DCAF17: variants seen among roughly 807,000 people sequenced by gnomAD.
DCAF17 encodes the protein DDB1- and CUL4-associated factor 17.
Under a neutral mutation model 66.0 loss-of-function variants are expected in DCAF17, and 48 were observed. The ratio of observed to expected loss-of-function variants is 0.73; its 90% confidence interval spans 0.58 to 0.92. DCAF17 has a LOEUF of 0.92. Among genes scored for constraint, DCAF17 ranks in the 40% least tolerant of loss-of-function variants. The pLI is 0.00. For missense variants in DCAF17, 562 were observed against 622.8 expected, an observed-to-expected ratio of 0.90 and a Z score of 1.04; for synonymous variants, 206 against 214.6, an observed-to-expected ratio of 0.96 and a Z score of 0.35.
Position 171,448,780 on chromosome 2 carries a change from C to G in DCAF17, c.421C>G (p.Leu141Val). 1 of 1,613,050 alleles carries G rather than the reference C, an allele frequency of 6.2e-7. No homozygotes were observed. The highest frequency in any genetic ancestry group is 8.5e-7 in the Non-Finnish European group (1 of 1,179,366). ...TATATCAGCAACTACGGGAAAAATCCTTGAGAAAATATATCTTGCACCTTA... is the reference window on the plus strand; with the variant it reads ...TATATCAGCAACTACGGGAAAAATCGTTGAGAAAATATATCTTGCACCTTA... ...LRISATTGKILEKIYLAPYCK... is the reference protein window; with the variant it reads ...LRISATTGKIVEKIYLAPYCK... Residue 141 changes from leucine (L) to valine (V), a missense_variant, in exon 4 of 14, where the codon CTT becomes GTT. Physicochemically the swap from Leu to Val is conservative, Grantham distance 32. This residue lies in a region of DCAF17 where 348 missense variants were observed against 355.9 expected (regional missense o/e 0.98). Transcript: ENST00000375255.
intron 1 of DCAF17, 178 bp from the exon 2 acceptor site, chr2:171,434,905 T>G: frequency 8.8e-6 from 9 of 1,025,376 alleles, no homozygotes; most frequent in Non-Finnish European, 1.2e-5. Context: ...ATGTCTTACC[T>G]GGAAACAATT....
Position 171,463,274 on chromosome 2 carries a change from A to G in DCAF17, c.838+4797A>G, listed in dbSNP as rs375509459. ...AGAATTCTTTTTGCACTGGTATAGG[A>G]TAATTTCCAGGATGTGTACTATTAA... On this transcript the variant is annotated intron_variant, in intron 8 of 13. Coordinates refer to ENST00000375255, the MANE Select transcript of DCAF17 (RefSeq NM_025000.4). Among the ~76,000 whole-genome samples, 28 of 151,586 alleles carry G rather than the reference A, an allele frequency of 1.8e-4. No homozygotes were observed. The South Asian group carries it at 5.4e-3, about 29-fold the overall frequency.
At chr2:171,440,055 G>A (rs1694216952) in intron 2 of DCAF17, among the ~76,000 whole-genome samples, 1 of 152,154 alleles carries the variant, frequency 6.6e-6, no homozygotes, top group Non-Finnish European at 1.5e-5. Context: ...CCAAACTCCT[G>A]CACTCCAGTG....
intron 2 of DCAF17, among the ~76,000 whole-genome samples, chr2:171,441,499 G>A (rs1372493875): frequency 1.3e-5 from 2 of 152,178 alleles, no homozygotes; most frequent in African/African-American, 4.8e-5. Context: ...GGGGCTGGGT[G>A]GAAGAAGGGA....
At chr2:171,463,234 A>AAAC (rs1695697510) in intron 8 of DCAF17, among the ~76,000 whole-genome samples, 1 of 151,942 alleles carries the variant, frequency 6.6e-6, no homozygotes, top group African/African-American at 2.4e-5. Context: ...TAAAAAAAAA[A>AAAC]AAAAAACAGA....
At chr2:171,480,842 C>T (rs1000731829) in intron 13 of DCAF17, 132 bp from the exon 14 acceptor site, 1 of 1,127,538 alleles carries the variant, frequency 8.9e-7, no homozygotes, top group Non-Finnish European at 1.3e-6. Flanking sequence ...GAAAAATAAA[C>T]CTCTTTCTAG....
At chr2:171,463,537 T>G (rs1231066686) in intron 8 of DCAF17, among the ~76,000 whole-genome samples, 1 of 152,184 alleles carries the variant, frequency 6.6e-6, no homozygotes, top group Non-Finnish European at 1.5e-5. Context: ...ATGTAGTGCT[T>G]GTATTACCTA....
intron 5 of DCAF17, 132 bp downstream of exon 5, chr2:171,450,089 G>A: frequency 1.4e-6 from 1 of 735,900 alleles, no homozygotes; most frequent in South Asian, 1.6e-5. Flanking sequence ...ACGGCAACCT[G>A]GATGGGATCG....
chr2:171,454,834 T>A (rs1167133932), intron 6 of DCAF17, among the ~76,000 whole-genome samples: 2 of 151,928 alleles, frequency 1.3e-5, no homozygotes, highest in Non-Finnish European at 2.9e-5. Context: ...GAGGTAGATA[T>A]TGCAGTGAGC....
chr2:171,480,341 A>G, intron 13 of DCAF17, 148 bp downstream of exon 13: 1 of 985,884 alleles, frequency 1.0e-6, no homozygotes. Context: ...ACAGGACAAA[A>G]GAGTACTTCT....
intron 8 of DCAF17, among the ~76,000 whole-genome samples, chr2:171,459,125 C>T (rs903026270): frequency 6.6e-6 from 1 of 151,878 alleles, no homozygotes; most frequent in African/African-American, 2.4e-5. Context: ...GCCTGACCAA[C>T]GTGGAGAAAC....
At chr2:171,464,556 T>A (rs548320769) in intron 8 of DCAF17, among the ~76,000 whole-genome samples, 245 of 152,306 alleles carry the variant, frequency 1.6e-3, no homozygotes, top group Non-Finnish European at 1.9e-3. Flanking sequence ...ATTATATCTG[T>A]AAAGATCCTA....
rs778920494 is a variant in DCAF17, at chr2:171,434,309, C to T, written c.-269C>T. On this transcript the variant is annotated 5_prime_UTR_variant, in exon 1 of 14. Transcript: ENST00000375255. The stretch of plus-strand genomic sequence containing the variant: ...TCCGGCCGGCCGCGCGGTACCGGAG[C>T]GTCGCACTGTCAGCGGCCAGAGAGC... 3 of 626,172 alleles carry T rather than the reference C, an allele frequency of 4.8e-6. No individual in the cohort carries two copies. The highest frequency in any genetic ancestry group is 4.5e-5 in the South Asian group (3 of 66,136). 38.8% of individuals were successfully genotyped at this position (626,172 alleles called of 1,614,324 possible). A position where few individuals can be genotyped will look rare whatever the true frequency, so the allele number is the denominator to read the frequency against.
Position 171,449,914 on chromosome 2 carries a change from C to A in DCAF17, c.494C>A (p.Ala165Glu). Residue 165 changes from alanine to glutamate, a missense_variant, in exon 5 of 14, where the codon GCA becomes GAA. Ala to Glu is a moderately radical substitution (Grantham distance 107, BLOSUM62 -1). Coordinates refer to ENST00000375255, the MANE Select transcript of DCAF17 (RefSeq NM_025000.4). ...LSWDTPQEVI[A>E]VKSAQNRGSA... ...TGGGACACTCCTCAAGAAGTCATTGCAGTTAAGTCAGCTCAGAACAGAGGC... is the reference window on the plus strand; with the variant it reads ...TGGGACACTCCTCAAGAAGTCATTGAAGTTAAGTCAGCTCAGAACAGAGGC... The A allele has an allele frequency of 6.2e-7, 1 of 1,613,696 alleles. No individual in the cohort carries two copies. Among genetic ancestry groups the A allele is most frequent in the East Asian group, 2.2e-5 (1 of 44,868 alleles).
rs1277631227 is a variant in DCAF17, at chr2:171,484,620, A to G, written c.*3506A>G. On this transcript the variant is annotated 3_prime_UTR_variant, in exon 14 of 14. Coordinates refer to ENST00000375255, the MANE Select transcript of DCAF17 (RefSeq NM_025000.4). ...TTAAGATTTACCTGCAATAAAATGT[A>G]CAAATCTTAAGTATAAATTTACTGA... 1 of 452,988 alleles carries G rather than the reference A, an allele frequency of 2.2e-6. No individual in the cohort carries two copies. Among genetic ancestry groups the G allele is most frequent in the Non-Finnish European group, 4.4e-6 (1 of 226,484 alleles). 28.1% of individuals were successfully genotyped at this position (452,988 alleles called of 1,614,324 possible).
intron 2 of DCAF17, among the ~76,000 whole-genome samples, chr2:171,439,634 A>T (rs2105727429): frequency 6.6e-6 from 1 of 151,534 alleles, no homozygotes; most frequent in Non-Finnish European, 1.5e-5. Flanking sequence ...TTAGTTTAGA[A>T]ATGAGGTCTT....
At position 171,473,616 on chromosome 2, in the gene DCAF17, G is replaced by A. The variant is rs559294724; in HGVS notation, c.982-250G>A. 9.0e-5 allele frequency among the ~76,000 whole-genome samples: 13 copies of A among 144,708 alleles called. No homozygotes were observed. The South Asian group carries it at 2.5e-3, about 28-fold the overall frequency. The allele number at this position is 144,708 out of a possible 152,430, so 94.9% of individuals were successfully genotyped here. A position where few individuals can be genotyped will look rare whatever the true frequency, so the allele number is the denominator to read the frequency against. On this transcript the variant is annotated intron_variant, in intron 9 of 13. Coordinates refer to ENST00000375255, the MANE Select transcript of DCAF17 (RefSeq NM_025000.4). ...AGATGCTTGAGATATGGTATCTCTT[G>A]GGTTATTAACTCCTGTTTGTGAGAT...
chr2:171,434,514 A>G lies in DCAF17; in HGVS notation c.-64A>G, dbSNP rs923839232. ...AATTCGAAGGCAGCGGCGGCTGCCC[A>G]GCACGGGAGTGTGGGGCGCGCCACT... On this transcript the variant is annotated 5_prime_UTR_variant, in exon 1 of 14. Coordinates refer to ENST00000375255, the MANE Select transcript of DCAF17 (RefSeq NM_025000.4). 3.5e-5 allele frequency: 54 copies of G among 1,522,974 alleles called. No homozygotes were observed. The African/African-American group carries it at 7.3e-4, about 21-fold the overall frequency. 94.3% of individuals were successfully genotyped at this position (1,522,974 alleles called of 1,614,324 possible). A position where few individuals can be genotyped will look rare whatever the true frequency, so the allele number is the denominator to read the frequency against.
chr2:171,439,381 G>A (rs1694159546), intron 2 of DCAF17, among the ~76,000 whole-genome samples: 1 of 151,700 alleles, frequency 6.6e-6, no homozygotes, highest in African/African-American at 2.4e-5. Flanking sequence ...CCCAGCTTGG[G>A]AAGTTTCTGT....
Sources: allele counts gnomAD v4.1 joint callset (sites outside exome capture counted in the v4.1 genomes callset), GRCh38; gene constraint gnomAD v4.1.1; regional missense constraint gnomAD v4.1.1; transcripts MANE v1.5; gene names NCBI Gene and HGNC (gene_info 2026-07-23, HGNC 2026-07-21).